The following KCNK2 variants were observed in gnomAD, a reference collection of about 807,000 sequenced individuals.
KCNK2 encodes potassium two pore domain channel subfamily K member 2.
KCNK2 carries 21 observed loss-of-function variants against 40.5 expected under a neutral mutation model. The observed-to-expected ratio is 0.52, with a 90% CI of 0.37 to 0.75. The LOEUF (loss-of-function observed/expected upper bound fraction) is 0.75, where lower values mean the gene tolerates loss of function less well. KCNK2 is among the 30% of genes least tolerant of loss of function. The probability of loss-of-function intolerance (pLI) is 0.00; values close to 1 mark genes in which losing one functional copy is unlikely to be tolerated. For missense variants in KCNK2, 399 were observed against 531.6 expected (o/e 0.75, Z 2.45); for synonymous variants, 191 against 202.2 (o/e 0.94, Z 0.47).
chr1:215,209,498 A>C (rs1423906185), intron 6 of KCNK2, among the ~76,000 whole-genome samples: 1 of 44,626 alleles, frequency 2.2e-5, no homozygotes, highest in African/African-American at 8.0e-5. Flanking sequence ...CATATATATA[A>C]TATATAATAT....
chr1:215,227,218 T>C (rs1666419067), intron 6 of KCNK2, among the ~76,000 whole-genome samples: 1 of 152,176 alleles, frequency 6.6e-6, no homozygotes, highest in East Asian at 1.9e-4. Flanking sequence ...CTAGTAATTG[T>C]AGTAAGTTGT....
intron 2 of KCNK2, among the ~76,000 whole-genome samples, chr1:215,100,913 T>C (rs1660180338): frequency 1.3e-5 from 2 of 152,058 alleles, no homozygotes; most frequent in Non-Finnish European, 2.9e-5. Flanking sequence ...CTGAATTTGT[T>C]TGGATATTTG....
At position 215,010,851 on chromosome 1, in the gene KCNK2, ATTTT is replaced by A. The variant is rs66945279; in HGVS notation, c.34+4911_34+4914del. On this transcript the variant is annotated intron_variant, in intron 1 of 6. Transcript: ENST00000391895. ...AGGATTGTCTGCTCACAGGACACAG[ATTTT>A]TTTTTTTTTTTTTTGTGTGTGTGTG... Among the ~76,000 whole-genome samples, 321 of 125,434 alleles carry A rather than the reference ATTTT, an allele frequency of 2.6e-3. 1 individual carries two copies. Among genetic ancestry groups the A allele is most frequent in the Middle Eastern group, 0.012 (3 of 246 alleles). 82.3% of individuals were successfully genotyped at this position (125,434 alleles called of 152,430 possible). A position where few individuals can be genotyped will look rare whatever the true frequency, so the allele number is the denominator to read the frequency against.
chr1:215,168,672 G>A (rs1293980909), intron 3 of KCNK2, among the ~76,000 whole-genome samples: 1 of 152,136 alleles, frequency 6.6e-6, no homozygotes, highest in African/African-American at 2.4e-5. Flanking sequence ...ATGGACACAG[G>A]GAGGGGAACA....
upstream of KCNK2, among the ~76,000 whole-genome samples, chr1:215,081,516 A>T (rs996397482): frequency 6.6e-6 from 1 of 152,168 alleles, no homozygotes; most frequent in East Asian, 1.9e-4. Flanking sequence ...TGCTGAATGT[A>T]TTCTGGAATC....
intron 3 of KCNK2, among the ~76,000 whole-genome samples, chr1:215,167,575 C>T (rs1663504971): frequency 6.6e-6 from 1 of 151,928 alleles, no homozygotes; most frequent in Admixed American, 6.6e-5. Flanking sequence ...TATCCTTGCA[C>T]AAAACTGGAA....
At chr1:215,014,243 A>T (rs922046111) in intron 1 of KCNK2, among the ~76,000 whole-genome samples, 25 of 152,022 alleles carry the variant, frequency 1.6e-4, no homozygotes, top group African/African-American at 5.8e-4. Context: ...CCAGCCTTCC[A>T]TTTCCAGGAT....
At chr1:215,006,590 T>C (rs1656136002) in intron 1 of KCNK2, among the ~76,000 whole-genome samples, 1 of 152,150 alleles carries the variant, frequency 6.6e-6, no homozygotes, top group Non-Finnish European at 1.5e-5. Context: ...ACAAGAATAC[T>C]GTTGTGGTCT....
chr1:215,214,809 G>A (rs1365350125), intron 6 of KCNK2, among the ~76,000 whole-genome samples: 1 of 151,986 alleles, frequency 6.6e-6, no homozygotes, highest in Non-Finnish European at 1.5e-5. Context: ...CTGGGCAGTG[G>A]GAGTGAGACC....
chr1:215,029,321 C>T (rs76366976), intron 1 of KCNK2, among the ~76,000 whole-genome samples: 4,677 of 151,810 alleles, frequency 0.031, 234 homozygotes, highest in African/African-American at 0.11. Context: ...TGATGTTTCT[C>T]CTATCCCCAT....
intron 1 of KCNK2, among the ~76,000 whole-genome samples, chr1:215,063,087 G>C (rs1658413550): frequency 6.6e-6 from 1 of 152,198 alleles, no homozygotes; most frequent in African/African-American, 2.4e-5. Context: ...TAGCCTGATG[G>C]ATTTGGGTCA....
intron 3 of KCNK2, among the ~76,000 whole-genome samples, chr1:215,145,634 A>G (rs1259317837): frequency 1.3e-5 from 2 of 152,190 alleles, no homozygotes; most frequent in African/African-American, 4.8e-5. Context: ...CTATCAGTTT[A>G]CTGCTATAGT....
intron 6 of KCNK2, among the ~76,000 whole-genome samples, chr1:215,209,400 A>ATTTTATATAT: frequency 1.5e-5 from 1 of 68,476 alleles, no homozygotes; most frequent in Non-Finnish European, 2.5e-5. Flanking sequence ...TATTATATAT[A>ATTTTATATAT]AAATATGCAT....
chr1:215,229,465 A>G (rs556052321), intron 6 of KCNK2, among the ~76,000 whole-genome samples: 1 of 152,090 alleles, frequency 6.6e-6, no homozygotes, highest in East Asian at 1.9e-4. Context: ...CAAGATTGAG[A>G]CCAGCCTGGG....
intron 1 of KCNK2, among the ~76,000 whole-genome samples, chr1:215,075,759 T>A (rs1188643536): frequency 6.6e-6 from 1 of 152,232 alleles, no homozygotes; most frequent in Admixed American, 6.5e-5. Flanking sequence ...TGAGTTGCCA[T>A]GTAGCCCAGG....
At chr1:215,159,439 C>A (rs1261124689) in intron 3 of KCNK2, among the ~76,000 whole-genome samples, 1 of 152,134 alleles carries the variant, frequency 6.6e-6, no homozygotes, top group Non-Finnish European at 1.5e-5. Context: ...ATTTTACTTG[C>A]GTCTTCTCTA....
intron 5 of KCNK2, among the ~76,000 whole-genome samples, chr1:215,177,028 A>G (rs1232282263): frequency 1.3e-5 from 2 of 152,134 alleles, no homozygotes; most frequent in East Asian, 3.9e-4. Flanking sequence ...AATAATAGTC[A>G]TTCTGACTGG....
chr1:215,047,280 G>A (rs1657810870), intron 1 of KCNK2, among the ~76,000 whole-genome samples: 1 of 152,082 alleles, frequency 6.6e-6, no homozygotes, highest in African/African-American at 2.4e-5. Flanking sequence ...TGTGGCCATT[G>A]TGCTAAGCAT....
rs1660182264 is a variant in KCNK2 at position 215,100,981 on chromosome 1, C to A, written c.357+14303C>A. Among the ~76,000 whole-genome samples, 3 of 152,020 alleles carry A rather than the reference C, an allele frequency of 2.0e-5. No homozygotes were observed. The South Asian group carries it at 6.2e-4, about 32-fold the overall frequency. On this transcript the variant is annotated intron_variant, in intron 2 of 6. Transcript: ENST00000444842. ...GAATCCCTACTTAGAAACATTTTTGCATTTATCTATTTTATTCAGATAGCA... is the reference window on the plus strand; with the variant it reads ...GAATCCCTACTTAGAAACATTTTTGAATTTATCTATTTTATTCAGATAGCA...
Sources: allele counts gnomAD v4.1 joint callset (sites outside exome capture counted in the v4.1 genomes callset), GRCh38; gene constraint gnomAD v4.1.1; transcripts MANE v1.5; gene names NCBI Gene and HGNC (gene_info 2026-07-23, HGNC 2026-07-21).